The following PGM2L1 variants were observed in gnomAD, a reference collection of about 807,000 sequenced individuals.
PGM2L1 encodes the protein phosphoglucomutase 2 like 1.
In PGM2L1, 35 loss-of-function variants were observed where a neutral mutation model predicts 73.4. That is an observed-to-expected ratio of 0.48 (90% confidence interval 0.36 to 0.63). The LOEUF (loss-of-function observed/expected upper bound fraction) is 0.63. Among genes scored for constraint, PGM2L1 ranks in the 30% least tolerant of loss-of-function variants. The probability of loss-of-function intolerance (pLI) is 0.00; values close to 1 mark genes in which losing one functional copy is unlikely to be tolerated. For synonymous variants in PGM2L1, 225 were observed against 253.8 expected (o/e 0.89, Z 1.08); for missense variants, 570 against 742.0 (o/e 0.77, Z 2.69).
At chr11:74,380,564 C>A (rs530592175) in intron 1 of PGM2L1, among the ~76,000 whole-genome samples, 1 of 151,804 alleles carries the variant, frequency 6.6e-6, no homozygotes, top group East Asian at 1.9e-4. Flanking sequence ...TAATTACCCC[C>A]AAAGTAGAAA....
chr11:74,382,758 C>T (rs1464971908), intron 1 of PGM2L1, among the ~76,000 whole-genome samples: 1 of 152,166 alleles, frequency 6.6e-6, no homozygotes, highest in Non-Finnish European at 1.5e-5. Context: ...CTCAACCTCC[C>T]AAAGTGCTGA....
intron 4 of PGM2L1, among the ~76,000 whole-genome samples, chr11:74,370,349 T>C (rs1304532098): frequency 1.3e-5 from 2 of 152,236 alleles, no homozygotes; most frequent in Non-Finnish European, 2.9e-5. Flanking sequence ...ATTGCTAATC[T>C]GCATTATGTT....
At chr11:74,351,236 G>C in intron 6 of PGM2L1, 147 bp downstream of exon 6, 1 of 694,308 alleles carries the variant, frequency 1.4e-6, no homozygotes, top group Non-Finnish European at 2.3e-6. Context: ...ATGGTTACTT[G>C]GGTTATTTCC....
chr11:74,394,057 G>C (rs1863140428), intron 1 of PGM2L1, among the ~76,000 whole-genome samples: 1 of 152,076 alleles, frequency 6.6e-6, no homozygotes, highest in East Asian at 1.9e-4. Flanking sequence ...AGAGTCATCT[G>C]TTCGCTGCCT....
Position 74,345,544 on chromosome 11 carries a change from G to C in PGM2L1, c.1143C>G (p.Asn381Lys). Residue 381 changes from asparagine to lysine, a missense_variant, in exon 9 of 14, where the codon AAC (asparagine) becomes AAG (lysine). Asn to Lys is a moderately conservative substitution (Grantham distance 94). Transcript: ENST00000298198. ...AGACTGTGGTGGCTAACATATAAACGTTCTTCACATCAGCATTTCTTGATT... is the reference window on the plus strand; with the variant it reads ...AGACTGTGGTGGCTAACATATAAACCTTCTTCACATCAGCATTTCTTGATT... ...KNKSRNADVK[N>K]VYMLATTVSS... The C allele has an allele frequency of 6.2e-7, 1 of 1,613,346 alleles. No individual in the cohort carries two copies. Among genetic ancestry groups the C allele is most frequent in the Non-Finnish European group, 8.5e-7 (1 of 1,179,434 alleles).
At position 74,335,121 on chromosome 11, in the gene PGM2L1, A is replaced by G. The variant is rs1862074903; in HGVS notation, c.*1531T>C. 1 of 151,048 alleles carries G rather than the reference A, an allele frequency of 6.6e-6. No individual in the cohort carries two copies. The highest frequency in any genetic ancestry group is 1.5e-5 in the Non-Finnish European group (1 of 67,858). 9.4% of individuals were successfully genotyped at this position (151,048 alleles called of 1,614,324 possible). On this transcript the variant is annotated 3_prime_UTR_variant, in exon 14 of 14. Coordinates refer to ENST00000298198, the MANE Select transcript of PGM2L1 (RefSeq NM_173582.6). Reference sequence around the variant, plus strand: ...TCAGAAGACTGCATGATTAGCCAAAAGTGACTTTTTTTTTTTTTGAGATGG... The same window carrying G: ...TCAGAAGACTGCATGATTAGCCAAAGGTGACTTTTTTTTTTTTTGAGATGG...
At chr11:74,351,061 T>C (rs927189561) in intron 6 of PGM2L1, among the ~76,000 whole-genome samples, 5 of 152,350 alleles carry the variant, frequency 3.3e-5, no homozygotes, top group African/African-American at 1.2e-4. Flanking sequence ...GTCATATAAA[T>C]GGAATCATAC....
chr11:74,346,535 C>T (rs1862269378), intron 8 of PGM2L1, among the ~76,000 whole-genome samples, 197 bp downstream of exon 8: 1 of 151,980 alleles, frequency 6.6e-6, no homozygotes, highest in African/African-American at 2.4e-5. Flanking sequence ...AAAACAAATA[C>T]ATCTTTAAAT....
At chr11:74,374,021 G>T (rs537856413) in intron 2 of PGM2L1, among the ~76,000 whole-genome samples, 1 of 122,442 alleles carries the variant, frequency 8.2e-6, no homozygotes, top group South Asian at 2.8e-4. Flanking sequence ...GTGTGTGTGC[G>T]TTTAGAATGG....
intron 2 of PGM2L1, among the ~76,000 whole-genome samples, chr11:74,373,010 T>G (rs1344580491): frequency 7.3e-6 from 1 of 137,352 alleles, no homozygotes; most frequent in African/African-American, 2.5e-5. Flanking sequence ...GAAAAGTAAT[T>G]GTAGTTTTTG....
Position 74,330,504 on chromosome 11 carries a change from C to G in PGM2L1, c.*6148G>C, listed in dbSNP as rs1410944617. 1 of 152,574 alleles carries G rather than the reference C, an allele frequency of 6.6e-6. No individual in the cohort carries two copies. Among genetic ancestry groups the G allele is most frequent in the Non-Finnish European group, 1.5e-5 (1 of 68,016 alleles). The allele number at this position is 152,574 out of a possible 1,614,324, so 9.5% of individuals were successfully genotyped here. ...ACAAGGGCACAATTTTGAACTACTG[C>G]TACACACTTTAGTCAGAAAAATAAT... On this transcript the variant is annotated 3_prime_UTR_variant, in exon 14 of 14. Coordinates refer to ENST00000298198, the MANE Select transcript of PGM2L1 (RefSeq NM_173582.6).
At chr11:74,350,864 C>T (rs544950298) in intron 6 of PGM2L1, among the ~76,000 whole-genome samples, 5 of 144,980 alleles carry the variant, frequency 3.4e-5, no homozygotes, top group Admixed American at 7.0e-5. Context: ...GTGACAAGAG[C>T]GAGACTCTGT....
intron 12 of PGM2L1, among the ~76,000 whole-genome samples, chr11:74,341,443 G>A (rs1441983113): frequency 6.6e-6 from 1 of 152,170 alleles, no homozygotes; most frequent in Admixed American, 6.5e-5. Context: ...TGTAATCCTA[G>A]CATTTTGGGA....
Position 74,345,734 on chromosome 11 carries a change from C to G in PGM2L1, c.1038-85G>C, listed in dbSNP as rs1862251481. The stretch of plus-strand genomic sequence containing the variant: ...CCAAGGCCTAAAAATTACCATCCTT[C>G]AGTTAGGAAAAATCAAAAACTATCA... On this transcript the variant is annotated intron_variant, in intron 8 of 13. Transcript: ENST00000298198. 5 of 1,204,152 alleles carry G rather than the reference C, an allele frequency of 4.2e-6. No homozygotes were observed. In the South Asian group the frequency reaches 6.8e-5, roughly 16 times the overall value. 74.6% of individuals were successfully genotyped at this position (1,204,152 alleles called of 1,614,324 possible).
chr11:74,334,036 G>A lies in PGM2L1; in HGVS notation c.*2616C>T, dbSNP rs1220357701. 1 of 152,200 alleles carries A rather than the reference G, an allele frequency of 6.6e-6. No individual in the cohort carries two copies. The highest frequency in any genetic ancestry group is 1.5e-5 in the Non-Finnish European group (1 of 68,036). 9.4% of individuals were successfully genotyped at this position (152,200 alleles called of 1,614,324 possible). On this transcript the variant is annotated 3_prime_UTR_variant, in exon 14 of 14. Transcript: ENST00000298198. ...TGTGCACCTACTACATCAAGTTCATGTTAAGTATCATGCTCAGACAGACTC... is the reference window on the plus strand; with the variant it reads ...TGTGCACCTACTACATCAAGTTCATATTAAGTATCATGCTCAGACAGACTC...
At chr11:74,337,674 T>C (rs1339671555) in intron 13 of PGM2L1, among the ~76,000 whole-genome samples, 4 of 152,208 alleles carry the variant, frequency 2.6e-5, no homozygotes, top group African/African-American at 7.2e-5. Context: ...TCAAGTCATA[T>C]TAGACATAGA....
chr11:74,348,776 T>G (rs1268554713), intron 6 of PGM2L1, among the ~76,000 whole-genome samples: 1 of 152,216 alleles, frequency 6.6e-6, no homozygotes. Flanking sequence ...GTATCTCCAG[T>G]ATGTAGACTG....
intron 2 of PGM2L1, among the ~76,000 whole-genome samples, chr11:74,372,130 TAAA>T (rs10712477): frequency 5.5e-5 from 8 of 145,680 alleles, no homozygotes; most frequent in Admixed American, 6.8e-5. Flanking sequence ...GTCAATAAGC[TAAA>T]AAAAAAAAAA....
At position 74,374,589 on chromosome 11, in the gene PGM2L1, A is replaced by C. The variant is rs1862829439; in HGVS notation, c.112-7T>G. The C allele has an allele frequency of 6.2e-7, 1 of 1,612,072 alleles. No individual in the cohort carries two copies. The highest frequency in any genetic ancestry group is 8.5e-7 in the Non-Finnish European group (1 of 1,178,786). ...GCTCTTTTGTTTTGGGATTCTATAA[A>C]AAAGAAGTATTAAAACTTAACCAGG... On this transcript the variant is annotated splice_polypyrimidine_tract_variant and splice_region_variant and intron_variant, in intron 1 of 13. Coordinates refer to ENST00000298198, the MANE Select transcript of PGM2L1 (RefSeq NM_173582.6).
Sources: gnomAD v4.1 joint callset for allele counts (sites outside exome capture counted in the v4.1 genomes callset) on GRCh38, gnomAD v4.1.1 for gene constraint, MANE v1.5 for transcripts, NCBI Gene and HGNC (gene_info 2026-07-23, HGNC 2026-07-21) for gene names.